The following PDZD9 variants were observed in gnomAD, a reference collection of about 807,000 sequenced individuals.
The protein encoded by PDZD9 is PDZ domain containing 9.
A neutral mutation model predicts 16.3 loss-of-function variants in PDZD9; 13 were observed. That is an observed-to-expected ratio of 0.80 (90% CI 0.52 to 1.27). The LOEUF (loss-of-function observed/expected upper bound fraction) is 1.27, where lower values mean the gene tolerates loss of function less well. Ranked by LOEUF, PDZD9 falls within the 50% of genes most tolerant of loss-of-function variation. The pLI is 0.00. For synonymous variants in PDZD9, 120 were observed against 111.0 expected (o/e 1.08, Z -0.51); for missense variants, 288 against 310.9 (o/e 0.93, Z 0.55).
At chr16:21,971,006 G>A in the PDZD9 span, among the ~76,000 whole-genome samples, 1 of 151,914 alleles carries the variant, frequency 6.6e-6, no homozygotes, top group Non-Finnish European at 1.5e-5. Context: ...TATATTATCT[G>A]CAAATATTTT....
chr16:21,962,886 G>C, the PDZD9 span: 2 of 1,613,646 alleles, frequency 1.2e-6, no homozygotes, highest in East Asian at 4.5e-5. Context: ...CCGCAGACTC[G>C]TAAGTACATT....
At chr16:21,961,386 G>A in the PDZD9 span, 3 of 413,274 alleles carry the variant, frequency 7.3e-6, no homozygotes, top group African/African-American at 6.1e-5. Flanking sequence ...ATTACGGAAT[G>A]AACTAGATCC....
chr16:21,995,915 T>C (rs1435463634), intron 2 of PDZD9, among the ~76,000 whole-genome samples: 4 of 152,174 alleles, frequency 2.6e-5, no homozygotes, highest in African/African-American at 9.6e-5. Context: ...CCTCAGCCTC[T>C]CAAGTAGCTG....
At chr16:21,962,461 G>T in the PDZD9 span, 10 of 1,614,054 alleles carry the variant, frequency 6.2e-6, no homozygotes, top group East Asian at 2.2e-4. Context: ...CCGATTCAGT[G>T]TGACCGCAAC....
chr16:21,988,292 T>C (rs757167238), intron 3 of PDZD9, among the ~76,000 whole-genome samples: 22 of 151,944 alleles, frequency 1.4e-4, no homozygotes, highest in Non-Finnish European at 2.9e-4. Flanking sequence ...ACAGGCATGA[T>C]TCACCACACC....
downstream of PDZD9, among the ~76,000 whole-genome samples, chr16:21,981,903 C>A (rs1442261559): frequency 2.0e-5 from 3 of 149,768 alleles, no homozygotes; most frequent in Non-Finnish European, 4.4e-5. Context: ...TGCAGTGGCG[C>A]GATCTCGGCT....
the PDZD9 span, among the ~76,000 whole-genome samples, chr16:21,957,836 G>A: frequency 4.6e-5 from 7 of 152,188 alleles, no homozygotes; most frequent in Non-Finnish European, 1.0e-4. Context: ...TCCCCTGCCT[G>A]TTCCTAGCTT....
At chr16:21,957,636 A>G in the PDZD9 span, 12 of 1,562,142 alleles carry the variant, frequency 7.7e-6, no homozygotes, top group African/African-American at 2.7e-5. Flanking sequence ...AAGAAAAACT[A>G]AGATCAATGT....
chr16:21,995,304 A>G (rs757483505), intron 2 of PDZD9: 1 of 453,764 alleles, frequency 2.2e-6, no homozygotes, highest in South Asian at 1.6e-5. Flanking sequence ...TGCTTCCTGT[A>G]CAGCCTGCAG....
At chr16:21,984,737 A>C in intron 3 of PDZD9, 77 bp from the exon 4 acceptor site, 1 of 1,210,668 alleles carries the variant, frequency 8.3e-7, no homozygotes, top group Non-Finnish European at 1.1e-6. Context: ...GATGCCTTAT[A>C]ACTTGCTTTG....
At chr16:21,974,015 T>C in the PDZD9 span, 1 of 1,533,416 alleles carries the variant, frequency 6.5e-7, no homozygotes, top group Non-Finnish European at 8.9e-7. Flanking sequence ...CATGAACAAG[T>C]TATTTCTCCC....
chr16:21,991,151 T>C (rs377515929), intron 2 of PDZD9, among the ~76,000 whole-genome samples: 2 of 152,104 alleles, frequency 1.3e-5, no homozygotes, highest in Non-Finnish European at 2.9e-5. Context: ...CCTAGCTGGG[T>C]GTCTGCACAC....
the PDZD9 span, chr16:21,963,126 T>C: frequency 3.1e-6 from 1 of 322,610 alleles, no homozygotes. Context: ...GCAGCTGGAA[T>C]TATAGGTGTG....
chr16:21,958,503 G>A, the PDZD9 span: 2 of 1,604,762 alleles, frequency 1.2e-6, no homozygotes, highest in South Asian at 1.1e-5. Context: ...GCATTGAAAA[G>A]CTACAAAGAT....
the PDZD9 span, among the ~76,000 whole-genome samples, chr16:21,961,632 A>T: frequency 2.6e-5 from 1 of 38,414 alleles, no homozygotes; most frequent in Non-Finnish European, 3.9e-5. Flanking sequence ...AAATTTATAT[A>T]TATATATATA....
chr16:21,988,295 A>G (rs1215175070), intron 3 of PDZD9, among the ~76,000 whole-genome samples: 3 of 152,026 alleles, frequency 2.0e-5, no homozygotes, highest in Admixed American at 6.6e-5. Context: ...GGCATGATTC[A>G]CCACACCTGG....
chr16:21,974,359 CA>C, the PDZD9 span, among the ~76,000 whole-genome samples: 1 of 152,082 alleles, frequency 6.6e-6, no homozygotes, highest in Admixed American at 6.6e-5. Context: ...AACTAAAGCT[CA>C]ATTTCTGGGA....
At chr16:21,966,256 A>G in the PDZD9 span, among the ~76,000 whole-genome samples, 1 of 152,204 alleles carries the variant, frequency 6.6e-6, no homozygotes, top group Admixed American at 6.5e-5. Flanking sequence ...ACTTGAGCCC[A>G]CTTCCTTAGC....
chr16:21,983,184 C>T, downstream of PDZD9: 1 of 1,610,564 alleles, frequency 6.2e-7, no homozygotes, highest in South Asian at 1.1e-5. Context: ...CTGATGCACA[C>T]ATTACAGGAG....
Sources: allele counts gnomAD v4.1 joint callset (sites outside exome capture counted in the v4.1 genomes callset), GRCh38; gene constraint gnomAD v4.1.1; transcripts MANE v1.5; gene names NCBI Gene and HGNC (gene_info 2026-07-23, HGNC 2026-07-21).